PRSS12: variants seen among roughly 807,000 people sequenced by gnomAD.
The protein encoded by PRSS12 is serine protease 12.
In PRSS12, 85 loss-of-function variants were observed where a neutral mutation model predicts 104.4. That is an observed-to-expected ratio of 0.81 (90% CI 0.68 to 0.98). The LOEUF (loss-of-function observed/expected upper bound fraction) is 0.98. PRSS12 is among the 50% of genes least tolerant of loss of function. The pLI is 0.00. For missense variants in PRSS12, 1,141 were observed against 1,139.2 expected, an observed-to-expected ratio of 1.00 and a Z score of -0.02; for synonymous variants, 454 against 425.2, an observed-to-expected ratio of 1.07 and a Z score of -0.83.
In PRSS12 at chr4:118,311,684, A is replaced by C. The variant is rs1242355902; in HGVS notation, c.1489+1517T>G. 3.9e-5 allele frequency among the ~76,000 whole-genome samples: 6 copies of C among 152,332 alleles called. No individual in the cohort carries two copies. In the South Asian group the frequency reaches 1.2e-3, roughly 32 times the overall value. ...GAGATTAGAACCAAAGAGATTCATA[A>C]TAGTGATCATATATTTTATTAATAA... On this transcript the variant is annotated intron_variant, in intron 7 of 12. Transcript: ENST00000296498.
chr4:118,285,645 A>G (rs920629940), intron 11 of PRSS12, among the ~76,000 whole-genome samples: 3 of 152,130 alleles, frequency 2.0e-5, no homozygotes, highest in Non-Finnish European at 4.4e-5. Flanking sequence ...AATACACAGA[A>G]TTTTGAATAC....
Position 118,352,438 on chromosome 4 carries a change from C to A in PRSS12, c.283G>T (p.Ala95Ser). Residue 95 changes from alanine (A) to serine (S), a missense_variant, in exon 1 of 13, where the codon GCC (alanine) becomes TCC (serine). Coordinates refer to ENST00000296498, the MANE Select transcript of PRSS12 (RefSeq NM_003619.4). Reference protein sequence around the residue: ...TPRPHPWGCPAGEPWVSVTDF... With the variant: ...TPRPHPWGCPSGEPWVSVTDF... ...GTCACGCTGACCCATGGCTCGCCGG[C>A]GGGGCAGCCCCAGGGGTGCGGCCGG... 1 of 1,491,860 alleles carries A rather than the reference C, an allele frequency of 6.7e-7. No individual in the cohort carries two copies. Among genetic ancestry groups the A allele is most frequent in the Non-Finnish European group, 8.9e-7 (1 of 1,124,406 alleles). 92.4% of individuals were successfully genotyped at this position (1,491,860 alleles called of 1,614,324 possible).
chr4:118,309,935 T>C (rs867854755), intron 7 of PRSS12, among the ~76,000 whole-genome samples: 3 of 152,220 alleles, frequency 2.0e-5, no homozygotes, highest in Non-Finnish European at 4.4e-5. Context: ...CCAAGAGTTG[T>C]TGGCTCCCCA....
rs1362112022 is a variant in PRSS12, at chr4:118,305,593, T to C, written c.1631+2843A>G. ...CATCACCTCCAAAAATTTCCTTGTG[T>C]TCTTTTCTGAGGTTTGTTTGTTTGT... On this transcript the variant is annotated intron_variant, in intron 8 of 12. Transcript: ENST00000296498. Among the ~76,000 whole-genome samples, 3 of 152,164 alleles carry C rather than the reference T, an allele frequency of 2.0e-5. No homozygotes were observed. The East Asian group carries it at 5.8e-4, about 29-fold the overall frequency.
rs1560761524 is a variant in PRSS12, at chr4:118,282,222, A to C, written c.2342T>G (p.Leu781Arg). The C allele has an allele frequency of 6.2e-7, 1 of 1,614,226 alleles. No individual in the cohort carries two copies. Among genetic ancestry groups the C allele is most frequent in the Non-Finnish European group, 8.5e-7 (1 of 1,180,042 alleles). ...GDTGRAYSRT[L>R]QQAAIPLLPK... ...AAGTAAGGGAATGGCTGCTTGTTGT[A>C]GTGTTCTTGAATAGGCTCGTCCTAC... Residue 781 changes from leucine (L) to arginine (R), a missense_variant, in exon 13 of 13, where the codon CTA becomes CGA. By Grantham distance (102) the Leu-to-Arg change is moderately radical (BLOSUM62 -2). Coordinates refer to ENST00000296498, the MANE Select transcript of PRSS12 (RefSeq NM_003619.4).
At chr4:118,333,013 G>A (rs1159598483) in intron 3 of PRSS12, among the ~76,000 whole-genome samples, 10 of 152,134 alleles carry the variant, frequency 6.6e-5, no homozygotes, top group Non-Finnish European at 1.5e-5. Flanking sequence ...CAGAAGCAAA[G>A]GACCTTACTC....
At chr4:118,328,010 G>A (rs545932782) in intron 4 of PRSS12, among the ~76,000 whole-genome samples, 4 of 152,262 alleles carry the variant, frequency 2.6e-5, no homozygotes, top group African/African-American at 9.6e-5. Context: ...ATTCAACAAG[G>A]CAGATAAAAC....
chr4:118,295,717 A>AAC, intron 10 of PRSS12, 61 bp downstream of exon 10: 2 of 1,462,350 alleles, frequency 1.4e-6, no homozygotes, highest in Non-Finnish European at 1.9e-6. Context: ...CCCAGTTTGT[A>AAC]ACACTCTATG....
intron 11 of PRSS12, among the ~76,000 whole-genome samples, chr4:118,294,494 A>T (rs1470390110): frequency 6.6e-6 from 1 of 152,216 alleles, no homozygotes; most frequent in African/African-American, 2.4e-5. Flanking sequence ...GGACTAAACT[A>T]TAGGAAACCA....
intron 9 of PRSS12, 107 bp downstream of exon 9, chr4:118,298,626 G>T (rs1743313154): frequency 2.2e-5 from 25 of 1,145,338 alleles, no homozygotes; most frequent in Non-Finnish European, 2.7e-5. Context: ...ACATGGATCT[G>T]TATACGTTCT....
At chr4:118,343,432 C>G (rs1426524953) in intron 1 of PRSS12, among the ~76,000 whole-genome samples, 2 of 152,096 alleles carry the variant, frequency 1.3e-5, no homozygotes, top group African/African-American at 4.8e-5. Flanking sequence ...AAACAACCTT[C>G]CTTTCCATAT....
chr4:118,294,340 A>G (rs1018196329), intron 11 of PRSS12, among the ~76,000 whole-genome samples: 2 of 152,218 alleles, frequency 1.3e-5, no homozygotes, highest in Non-Finnish European at 2.9e-5. Flanking sequence ...AAAAAGCACT[A>G]AACAAGAGAA....
Position 118,352,667 on chromosome 4 carries a change from C to A in PRSS12, c.54G>T (p.Val18=). 1 of 1,613,376 alleles carries A rather than the reference C, an allele frequency of 6.2e-7. No individual in the cohort carries two copies. The highest frequency in any genetic ancestry group is 8.5e-7 in the Non-Finnish European group (1 of 1,179,600). ...CATTGAGGACAGAATCAAAGCCGAC[C>A]ACTTCGGGGAGCGCCCCTAACATCA... ...LALMLGALPE[V]VGFDSVLNDS... Residue 18 remains valine (V), a synonymous_variant, in exon 1 of 13, where the codon GTG becomes GTT. Coordinates refer to ENST00000296498, the MANE Select transcript of PRSS12 (RefSeq NM_003619.4).
At chr4:118,340,601 G>A (rs901346828) in intron 1 of PRSS12, among the ~76,000 whole-genome samples, 3 of 152,168 alleles carry the variant, frequency 2.0e-5, no homozygotes, top group Admixed American at 6.6e-5. Flanking sequence ...ATTCAAATAT[G>A]CTCTAAAAGA....
chr4:118,322,886 C>T lies in PRSS12; in HGVS notation c.972-4330G>A, dbSNP rs530791838. On this transcript the variant is annotated intron_variant, in intron 4 of 12. Transcript: ENST00000296498. ...ATCTGTTTTTATATTGCTTGTGAGCCGAGTGGTTTTTCAATTTTATAAACG... is the reference window on the plus strand; with the variant it reads ...ATCTGTTTTTATATTGCTTGTGAGCTGAGTGGTTTTTCAATTTTATAAACG... Among the ~76,000 whole-genome samples, 63 of 151,402 alleles carry T rather than the reference C, an allele frequency of 4.2e-4. No homozygotes were observed. In the South Asian group the frequency reaches 0.013, roughly 30 times the overall value.
chr4:118,338,242 C>A lies in PRSS12; in HGVS notation c.575G>T (p.Gly192Val), dbSNP rs778127929. 6.2e-7 allele frequency: 1 copy of A among 1,614,034 alleles called. No homozygotes were observed. The highest frequency in any genetic ancestry group is 8.5e-7 in the Non-Finnish European group (1 of 1,179,952). Residue 192 changes from glycine (G) to valine (V), a missense_variant, in exon 2 of 13, where the codon GGC (glycine) becomes GTC (valine). Coordinates refer to ENST00000296498, the MANE Select transcript of PRSS12 (RefSeq NM_003619.4). Reference sequence around the variant, plus strand: ...ATCCCAGTGGCTGCTACAGACAGTGCCCCAAACTCCACTTGCATATACTTC... The same window carrying A: ...ATCCCAGTGGCTGCTACAGACAGTGACCCAAACTCCACTTGCATATACTTC... ...TVEVYASGVW[G>V]TVCSSHWDDS...
intron 4 of PRSS12, among the ~76,000 whole-genome samples, chr4:118,319,483 G>T (rs972719158): frequency 5.3e-5 from 8 of 152,090 alleles, no homozygotes; most frequent in Non-Finnish European, 1.5e-5. Flanking sequence ...TGGGCCATAG[G>T]GTCCCATACT....
intron 8 of PRSS12, among the ~76,000 whole-genome samples, chr4:118,304,757 CAATA>C (rs1235895681): frequency 1.3e-5 from 2 of 151,948 alleles, no homozygotes; most frequent in Non-Finnish European, 2.9e-5. Flanking sequence ...TGTAATGCAT[CAATA>C]AATAATGCCT....
chr4:118,352,980 G>C lies in PRSS12; in HGVS notation c.-260C>G. The C allele has an allele frequency of 1.1e-6, 1 of 887,542 alleles. No homozygotes were observed. The highest frequency in any genetic ancestry group is 3.8e-5 in the East Asian group (1 of 26,252). 55.0% of individuals were successfully genotyped at this position (887,542 alleles called of 1,614,324 possible). A position where few individuals can be genotyped will look rare whatever the true frequency, so the allele number is the denominator to read the frequency against. Reference sequence around the variant, plus strand: ...GAGCCCCGGCCGGCGGAGAGGACCGGAAAAGAGAAGGCGCGGACGCAGCGG... The same window carrying C: ...GAGCCCCGGCCGGCGGAGAGGACCGCAAAAGAGAAGGCGCGGACGCAGCGG... On this transcript the variant is annotated 5_prime_UTR_variant, in exon 1 of 13. Coordinates refer to ENST00000296498, the MANE Select transcript of PRSS12 (RefSeq NM_003619.4).
Sources: gnomAD v4.1 joint callset for allele counts (sites outside exome capture counted in the v4.1 genomes callset) on GRCh38, gnomAD v4.1.1 for gene constraint, MANE v1.5 for transcripts, NCBI Gene and HGNC (gene_info 2026-07-23, HGNC 2026-07-21) for gene names.